ATP12A: variants seen among roughly 807,000 people sequenced by gnomAD.
ATP12A encodes ATPase H+/K+ transporting non-gastric alpha2 subunit.
A neutral mutation model predicts 111.2 loss-of-function variants in ATP12A; 81 were observed. The observed-to-expected ratio is 0.73, with a 90% CI of 0.61 to 0.88. The LOEUF (loss-of-function observed/expected upper bound fraction) is 0.88. ATP12A is among the 40% of genes least tolerant of loss of function. The probability of loss-of-function intolerance (pLI) is 0.00; values close to 1 mark genes in which losing one functional copy is unlikely to be tolerated. For missense variants in ATP12A, 1,196 were observed against 1,313.1 expected, an observed-to-expected ratio of 0.91 and a Z score of 1.38; for synonymous variants, 498 against 499.8, an observed-to-expected ratio of 1.00 and a Z score of 0.05.
chr13:24,709,765 C>A lies in ATP12A; in HGVS notation c.2700C>A (p.Asn900Lys), dbSNP rs1875880715. The A allele has an allele frequency of 6.2e-7, 1 of 1,614,148 alleles. No individual in the cohort carries two copies. The highest frequency in any genetic ancestry group is 1.7e-5 in the Admixed American group (1 of 60,014). Reference sequence around the variant, plus strand: ...GCTTTCTGCCCCGCACTCTCATTAACCTGCGGGTAGAATGGGAGAAGGACT... The same window carrying A: ...GCTTTCTGCCCCGCACTCTCATTAAACTGCGGGTAGAATGGGAGAAGGACT... ...QEGFLPRTLI[N>K]LRVEWEKDYV... Residue 900 changes from asparagine (N) to lysine (K), a missense_variant, in exon 19 of 23, where the codon AAC (asparagine) becomes AAA (lysine). Physicochemically the swap from Asn to Lys is moderately conservative, Grantham distance 94. Transcript: ENST00000381946.
rs994075620 is a variant in ATP12A at position 24,701,029 on chromosome 13, A to G, written c.1881+107A>G. Reference sequence around the variant, plus strand: ...AGTATTTAGGTGTCTTCAAGTAAATATCATAATTCCTATTTTATTTCTAGT... The same window carrying G: ...AGTATTTAGGTGTCTTCAAGTAAATGTCATAATTCCTATTTTATTTCTAGT... On this transcript the variant is annotated intron_variant, in intron 13 of 22. Transcript: ENST00000381946. The G allele has an allele frequency of 3.2e-5, 39 of 1,229,340 alleles. No homozygotes were observed. The African/African-American group carries it at 5.2e-4, about 16-fold the overall frequency. The allele number at this position is 1,229,340 out of a possible 1,614,324, so 76.2% of individuals were successfully genotyped here. A position where few individuals can be genotyped will look rare whatever the true frequency, so the allele number is the denominator to read the frequency against.
At chr13:24,702,776 AG>A (rs1351533215) in intron 14 of ATP12A, among the ~76,000 whole-genome samples, 2 of 152,234 alleles carry the variant, frequency 1.3e-5, no homozygotes, top group Non-Finnish European at 2.9e-5. Context: ...CATCGAGCCA[AG>A]GAGACACAAA....
chr13:24,695,897 C>G (rs1386123973), intron 11 of ATP12A, among the ~76,000 whole-genome samples: 1 of 152,156 alleles, frequency 6.6e-6, no homozygotes, highest in Non-Finnish European at 1.5e-5. Context: ...GCGTGAGCCA[C>G]CAAGCCCAGC....
intron 5 of ATP12A, among the ~76,000 whole-genome samples, chr13:24,689,899 A>G (rs735772): frequency 0.23 from 35,598 of 151,812 alleles, 4,631 homozygotes; most frequent in East Asian, 0.47. Context: ...CCTCGTTAAA[A>G]TTTCCCTGAC....
chr13:24,685,289 C>G lies in ATP12A; in HGVS notation c.169-25C>G. On this transcript the variant is annotated intron_variant, in intron 2 of 22. Coordinates refer to ENST00000381946, the MANE Select transcript of ATP12A (RefSeq NM_001676.7). This position sits in a 1 kb window ranked among gnomAD's most constrained non-coding sequence, Gnocchi z 5.5. ...GTCTTTTGGAATTATCTAATTCACT[C>G]TGTTCTTCCTTTCATGGACTTCAGG... 6.2e-7 allele frequency: 1 copy of G among 1,609,106 alleles called. No individual in the cohort carries two copies. Among genetic ancestry groups the G allele is most frequent in the Non-Finnish European group, 8.5e-7 (1 of 1,175,442 alleles).
At chr13:24,691,838 G>C (rs79572493) in intron 8 of ATP12A, among the ~76,000 whole-genome samples, 1 of 152,274 alleles carries the variant, frequency 6.6e-6, no homozygotes, top group Admixed American at 6.5e-5. Flanking sequence ...ATGATCATTG[G>C]CCTGCTATTG....
chr13:24,691,274 C>T lies in ATP12A; in HGVS notation c.1068+24C>T, dbSNP rs774953403. The T allele has an allele frequency of 3.8e-6, 6 of 1,592,350 alleles. No individual in the cohort carries two copies. In the South Asian group the frequency reaches 6.8e-5, roughly 18 times the overall value. Reference sequence around the variant, plus strand: ...CTGTGAGTCCATGCTGTTAGACAGCCTGCACCTGGCCCTGTGGACACAGCA... The same window carrying T: ...CTGTGAGTCCATGCTGTTAGACAGCTTGCACCTGGCCCTGTGGACACAGCA... On this transcript the variant is annotated intron_variant, in intron 8 of 22. Coordinates refer to ENST00000381946, the MANE Select transcript of ATP12A (RefSeq NM_001676.7).
chr13:24,708,992 T>A lies in ATP12A; in HGVS notation c.2494-372T>A, dbSNP rs1440089065. ...AAGAGAAAGAGAAATGAATGCAAAT[T>A]CTCTGGCCCCAGCCCAGTCCTCCTG... On this transcript the variant is annotated intron_variant, in intron 17 of 22. Transcript: ENST00000381946. 2.1e-5 allele frequency among the ~76,000 whole-genome samples: 3 copies of A among 144,224 alleles called. No individual in the cohort carries two copies. The East Asian group carries it at 6.0e-4, about 29-fold the overall frequency. The allele number at this position is 144,224 out of a possible 152,430, so 94.6% of individuals were successfully genotyped here.
chr13:24,710,729 G>T, intron 20 of ATP12A, 63 bp from the exon 21 acceptor site: 3 of 1,600,324 alleles, frequency 1.9e-6, no homozygotes, highest in Non-Finnish European at 2.6e-6. Context: ...GGCATGGTCT[G>T]CTGGGTGTAT....
At chr13:24,697,435 A>G (rs1875211995) in intron 11 of ATP12A, among the ~76,000 whole-genome samples, 1 of 152,042 alleles carries the variant, frequency 6.6e-6, no homozygotes, top group African/African-American at 2.4e-5. Context: ...GGAGTTCAAG[A>G]CCAGCCTGGG....
intron 11 of ATP12A, 115 bp from the exon 12 acceptor site, chr13:24,698,543 A>C (rs1875261540): frequency 4.2e-6 from 5 of 1,180,430 alleles, no homozygotes; most frequent in Non-Finnish European, 5.8e-6. Context: ...AAAAGGGCGG[A>C]ACATGCTGAG....
At chr13:24,699,192 G>A (rs772250830) in intron 12 of ATP12A, among the ~76,000 whole-genome samples, 7 of 152,176 alleles carry the variant, frequency 4.6e-5, no homozygotes, top group Non-Finnish European at 1.0e-4. Flanking sequence ...GGGCACATTG[G>A]GTGCTGCCAG....
At chr13:24,707,630 A>G (rs968803890) in intron 17 of ATP12A, among the ~76,000 whole-genome samples, 197 bp downstream of exon 17, 1 of 152,186 alleles carries the variant, frequency 6.6e-6, no homozygotes, top group Non-Finnish European at 1.5e-5. Context: ...CCTCAAAGCA[A>G]GGGACCAGAG....
chr13:24,688,430 G>T lies in ATP12A; in HGVS notation c.340G>T (p.Gly114Trp), dbSNP rs960146252. 6.2e-7 allele frequency: 1 copy of T among 1,614,114 alleles called. No individual in the cohort carries two copies. Among genetic ancestry groups the T allele is most frequent in the African/African-American group, 1.3e-5 (1 of 75,032 alleles). Residue 114 changes from glycine (G) to tryptophan (W), a missense_variant, in exon 4 of 23, where the codon GGG becomes TGG. By Grantham distance (184) the Gly-to-Trp change is radical (BLOSUM62 -2). This residue lies in a region of ATP12A where 1,126 missense variants were observed against 1,228.5 expected (regional missense o/e 0.92). Coordinates refer to ENST00000381946, the MANE Select transcript of ATP12A (RefSeq NM_001676.7). The part of the protein sequence containing the change: ...IVKFLKQMVG[G>W]FSILLWVGAF... Reference sequence around the variant, plus strand: ...CAAGTTCCTCAAGCAGATGGTGGGGGGGTTCTCTATCCTCCTGTGGGTGGG... The same window carrying T: ...CAAGTTCCTCAAGCAGATGGTGGGGTGGTTCTCTATCCTCCTGTGGGTGGG...
In ATP12A at chr13:24,692,611, C is replaced by A; in HGVS notation, c.1251C>A (p.Thr417=). Residue 417 remains threonine (T), a synonymous_variant, in exon 9 of 23, where the codon ACC becomes ACA. Coordinates refer to ENST00000381946, the MANE Select transcript of ATP12A (RefSeq NM_001676.7). ...WFDNQIFVAD[T]SEDHSNQVFD... is the part of the protein sequence containing the mutation. Reference sequence around the variant, plus strand: ...ACAATCAGATCTTTGTGGCTGACACCAGTGAGGACCATTCAAGTAAGTCTT... The same window carrying A: ...ACAATCAGATCTTTGTGGCTGACACAAGTGAGGACCATTCAAGTAAGTCTT... 6.2e-7 allele frequency: 1 copy of A among 1,613,380 alleles called. No homozygotes were observed. The highest frequency in any genetic ancestry group is 8.5e-7 in the Non-Finnish European group (1 of 1,179,424).
rs1313987441 is a variant in ATP12A at position 24,711,505 on chromosome 13, A to C, written c.3103A>C (p.Lys1035Gln). 1 of 1,614,196 alleles carries C rather than the reference A, an allele frequency of 6.2e-7. No individual in the cohort carries two copies. The highest frequency in any genetic ancestry group is 1.1e-5 in the South Asian group (1 of 91,084). ...IRLYPGSWWDKNMYY is the reference protein window; with the variant it reads ...IRLYPGSWWDQNMYY ...TTCTACCTCTACAGGCTGGTGGGATAAGAACATGTATTATTAAGACCACCT... is the reference window on the plus strand; with the variant it reads ...TTCTACCTCTACAGGCTGGTGGGATCAGAACATGTATTATTAAGACCACCT... Residue 1035 changes from lysine (K) to glutamine (Q), a missense_variant, in exon 23 of 23, where the codon AAG becomes CAG. Coordinates refer to ENST00000381946, the MANE Select transcript of ATP12A (RefSeq NM_001676.7).
In ATP12A at chr13:24,712,410, C is replaced by T. The variant is rs887720084; in HGVS notation, c.*888C>T. On this transcript the variant is annotated 3_prime_UTR_variant, in exon 23 of 23. Transcript: ENST00000381946. ...TTAACTTAGGTGTATTCATGTGTGA[C>T]ACTTCCATGTTGACAGGCCCGGAAA... 6.6e-6 allele frequency: 1 copy of T among 152,178 alleles called. No individual in the cohort carries two copies. The highest frequency in any genetic ancestry group is 2.4e-5 in the African/African-American group (1 of 41,432). The allele number at this position is 152,178 out of a possible 1,614,324, so 9.4% of individuals were successfully genotyped here. A position where few individuals can be genotyped will look rare whatever the true frequency, so the allele number is the denominator to read the frequency against.
chr13:24,707,429 A>G lies in ATP12A; in HGVS notation c.2489A>G (p.Asp830Gly). 6.2e-7 allele frequency: 1 copy of G among 1,614,176 alleles called. No individual in the cohort carries two copies. Among genetic ancestry groups the G allele is most frequent in the Non-Finnish European group, 8.5e-7 (1 of 1,180,020 alleles). Reference sequence around the variant, plus strand: ...ATTCTGTTCATTGACTTGGGGACAGACATTGTAAGTGACACTGAAGGGAAC... The same window carrying G: ...ATTCTGTTCATTGACTTGGGGACAGGCATTGTAAGTGACACTGAAGGGAAC... ...ITILFIDLGTDIIPSIALAYE... is the reference protein window; with the variant it reads ...ITILFIDLGTGIIPSIALAYE... Residue 830 changes from aspartate (D) to glycine (G), a missense_variant, in exon 17 of 23, where the codon GAC becomes GGC. By Grantham distance (94) the Asp-to-Gly change is moderately conservative (BLOSUM62 -1). Around this residue, in one of 3 missense-constraint regions of ATP12A, gnomAD observed 1,126 missense variants for 1,228.5 expected, o/e 0.92. Transcript: ENST00000381946.
intron 4 of ATP12A, among the ~76,000 whole-genome samples, 159 bp from the exon 5 acceptor site, chr13:24,689,103 T>A (rs1345989161): frequency 1.4e-5 from 2 of 147,726 alleles, no homozygotes; most frequent in Non-Finnish European, 3.0e-5. Context: ...AAAAAAAAAA[T>A]CAATAAGTTG....
Sources: gnomAD v4.1 joint callset for allele counts (sites outside exome capture counted in the v4.1 genomes callset) on GRCh38, gnomAD v4.1.1 for gene constraint, gnomAD v4.1.1 regional missense constraint, Gnocchi (gnomAD v3.1) non-coding constraint, MANE v1.5 for transcripts, NCBI Gene and HGNC (gene_info 2026-07-23, HGNC 2026-07-21) for gene names.